Variants in SLC9A9 observed in about 807,000 individuals in gnomAD.
The protein encoded by SLC9A9 is solute carrier family 9 member A9.
SLC9A9 carries 62 observed loss-of-function variants against 77.8 expected under a neutral mutation model. That is an observed-to-expected ratio of 0.80 (90% confidence interval 0.65 to 0.98). SLC9A9 has a LOEUF of 0.98. SLC9A9 is among the 50% of genes least tolerant of loss of function. SLC9A9 has a pLI of 0.00. For missense variants in SLC9A9, 775 were observed against 774.9 expected, an observed-to-expected ratio of 1.00 and a Z score of 0.00; for synonymous variants, 320 against 283.5, an observed-to-expected ratio of 1.13 and a Z score of -1.29.
chr3:143,662,845 A>G (rs2039001761), intron 5 of SLC9A9, among the ~76,000 whole-genome samples: 1 of 152,146 alleles, frequency 6.6e-6, no homozygotes, highest in African/African-American at 2.4e-5. Context: ...GGAGGCCTGC[A>G]TGCCTCTGTA....
intron 4 of SLC9A9, among the ~76,000 whole-genome samples, chr3:143,720,319 A>G (rs909783705): frequency 5.3e-5 from 8 of 152,070 alleles, no homozygotes; most frequent in Admixed American, 6.5e-5. Context: ...TGTCCATATA[A>G]CTATACACAT....
chr3:143,374,221 C>G (rs561413222), intron 13 of SLC9A9, among the ~76,000 whole-genome samples: 3 of 151,724 alleles, frequency 2.0e-5, no homozygotes, highest in Non-Finnish European at 4.4e-5. Context: ...GTCAGGAGAT[C>G]GAGACCATCC....
chr3:143,812,746 C>G (rs970931374), intron 2 of SLC9A9, among the ~76,000 whole-genome samples: 1 of 152,162 alleles, frequency 6.6e-6, no homozygotes. Context: ...GGTTATGAAT[C>G]CCTAGAGACT....
chr3:143,772,910 G>A (rs921355451), intron 4 of SLC9A9, among the ~76,000 whole-genome samples: 3 of 152,196 alleles, frequency 2.0e-5, no homozygotes, highest in Admixed American at 1.3e-4. Flanking sequence ...CTATGTTAAG[G>A]ATGAAACTTT....
intron 4 of SLC9A9, among the ~76,000 whole-genome samples, chr3:143,743,592 G>GGTTTTTC (rs1454380230): frequency 6.6e-6 from 1 of 152,010 alleles, no homozygotes; most frequent in Admixed American, 6.6e-5. Context: ...TTTGGTTTTT[G>GGTTTTTC]GTTCTATCTG....
intron 12 of SLC9A9, among the ~76,000 whole-genome samples, chr3:143,400,055 G>A (rs932052452): frequency 6.6e-6 from 1 of 152,084 alleles, no homozygotes; most frequent in Non-Finnish European, 1.5e-5. Context: ...GAAGAAAAAC[G>A]CTGTTAATTA....
intron 1 of SLC9A9, among the ~76,000 whole-genome samples, chr3:143,841,111 C>G (rs1410376432): frequency 6.6e-6 from 1 of 152,060 alleles, no homozygotes; most frequent in Admixed American, 6.6e-5. Context: ...TTGAGTACAG[C>G]CCTGTTGATT....
chr3:143,828,845 C>T (rs1045911854), intron 2 of SLC9A9, among the ~76,000 whole-genome samples: 5 of 152,180 alleles, frequency 3.3e-5, no homozygotes, highest in Non-Finnish European at 7.4e-5. Flanking sequence ...AGAACAAACG[C>T]AGCATCTCTC....
chr3:143,545,923 C>A (rs1213822799), intron 9 of SLC9A9, among the ~76,000 whole-genome samples: 1 of 152,172 alleles, frequency 6.6e-6, no homozygotes, highest in African/African-American at 2.4e-5. Flanking sequence ...GAGAAAGAAC[C>A]AGACACATAC....
At chr3:143,771,035 T>C (rs747733227) in intron 4 of SLC9A9, among the ~76,000 whole-genome samples, 23 of 152,000 alleles carry the variant, frequency 1.5e-4, no homozygotes, top group Non-Finnish European at 2.5e-4. Flanking sequence ...AAAAAGATGC[T>C]CAGCCTTACA....
chr3:143,720,170 A>T (rs138191042), intron 4 of SLC9A9, among the ~76,000 whole-genome samples: 1 of 150,710 alleles, frequency 6.6e-6, no homozygotes, highest in African/African-American at 2.5e-5. Flanking sequence ...TAGTATATAA[A>T]GTAAATATAT....
At position 143,798,615 on chromosome 3, in the gene SLC9A9, T is replaced by C. The variant is rs186487605; in HGVS notation, c.379-1712A>G. 8.5e-4 allele frequency among the ~76,000 whole-genome samples: 130 copies of C among 152,300 alleles called. 1 individual carries two copies. In the South Asian group the frequency reaches 9.5e-3, roughly 11 times the overall value. On this transcript the variant is annotated intron_variant, in intron 2 of 15. Coordinates refer to ENST00000316549, the MANE Select transcript of SLC9A9 (RefSeq NM_173653.4). ...CTAAAATCTAAGCATTTTATTTTCT[T>C]CTGCAACACCACTTGACCCCAGTAG...
chr3:143,272,295 A>G (rs1458157684), intron 14 of SLC9A9, among the ~76,000 whole-genome samples: 1 of 152,252 alleles, frequency 6.6e-6, no homozygotes, highest in Non-Finnish European at 1.5e-5. Flanking sequence ...ATTACATTAC[A>G]GAATAGAAAA....
chr3:143,302,125 G>A (rs188212686), intron 14 of SLC9A9, among the ~76,000 whole-genome samples: 250 of 152,272 alleles, frequency 1.6e-3, no homozygotes, highest in African/African-American at 5.7e-3. Context: ...TTGTCACAGC[G>A]GGCCAGGAAT....
intron 12 of SLC9A9, among the ~76,000 whole-genome samples, chr3:143,459,959 G>C (rs535580558): frequency 2.7e-4 from 41 of 152,192 alleles, no homozygotes; most frequent in African/African-American, 9.6e-4. Flanking sequence ...TGCTGCCATC[G>C]TCACCTGTCA....
chr3:143,603,068 T>C (rs972355927), intron 6 of SLC9A9, among the ~76,000 whole-genome samples: 10 of 152,344 alleles, frequency 6.6e-5, no homozygotes, highest in Non-Finnish European at 1.2e-4. Flanking sequence ...GAAAGAAATA[T>C]GCAAACTAGG....
At chr3:143,692,159 C>CTT (rs377709914) in intron 5 of SLC9A9, among the ~76,000 whole-genome samples, 1 of 151,268 alleles carries the variant, frequency 6.6e-6, no homozygotes, top group African/African-American at 2.4e-5. Context: ...CAAATTACCT[C>CTT]TTTTTTTTTA....
chr3:143,677,106 C>G (rs898472857), intron 5 of SLC9A9, among the ~76,000 whole-genome samples: 3 of 152,232 alleles, frequency 2.0e-5, no homozygotes, highest in African/African-American at 7.2e-5. Flanking sequence ...AACTCACAAA[C>G]CAAATATTTT....
chr3:143,695,233 T>C (rs1378106608), intron 4 of SLC9A9, among the ~76,000 whole-genome samples: 1 of 152,162 alleles, frequency 6.6e-6, no homozygotes, highest in Non-Finnish European at 1.5e-5. Flanking sequence ...ATGTGCAGAA[T>C]GTGCAGGTTT....
Sources: allele counts gnomAD v4.1 joint callset (sites outside exome capture counted in the v4.1 genomes callset), GRCh38; gene constraint gnomAD v4.1.1; transcripts MANE v1.5; gene names NCBI Gene and HGNC (gene_info 2026-07-23, HGNC 2026-07-21).